NUP210: variants seen among roughly 807,000 people sequenced by gnomAD.
NUP210 encodes nuclear pore membrane glycoprotein 210.
A neutral mutation model predicts 196.0 loss-of-function variants in NUP210; 151 were observed. The ratio of observed to expected loss-of-function variants is 0.77; its 90% CI spans 0.67 to 0.88. The LOEUF is 0.88. NUP210 is among the 40% of genes least tolerant of loss of function. NUP210 has a pLI of 0.00. For missense variants in NUP210, 2,314 were observed against 2,493.7 expected, an observed-to-expected ratio of 0.93 and a Z score of 1.53; for synonymous variants, 1,070 against 1,052.7, an observed-to-expected ratio of 1.02 and a Z score of -0.32.
chr3:13,319,039 CTGCCTGGTTG>C (rs745974883), intron 39 of NUP210, 23 bp downstream of exon 39: 3 of 1,571,176 alleles, frequency 1.9e-6, no homozygotes, highest in Non-Finnish European at 2.6e-6. Flanking sequence ...CTCAGCAGCT[CTGCCTGGTTG>C]TGCCTGCAGG....
intron 4 of NUP210, among the ~76,000 whole-genome samples, chr3:13,390,961 T>A (rs1263083586): frequency 6.6e-6 from 1 of 152,204 alleles, no homozygotes; most frequent in East Asian, 1.9e-4. Context: ...TTTCTCCAGC[T>A]GGACATCCCA....
intron 11 of NUP210, among the ~76,000 whole-genome samples, chr3:13,374,906 C>T (rs994843631): frequency 1.3e-5 from 2 of 152,160 alleles, no homozygotes; most frequent in African/African-American, 2.4e-5. Flanking sequence ...GCACTGACCA[C>T]GAGGACTCGA....
chr3:13,367,661 A>G (rs1426839080), intron 13 of NUP210, among the ~76,000 whole-genome samples: 1 of 152,170 alleles, frequency 6.6e-6, no homozygotes, highest in African/African-American at 2.4e-5. Flanking sequence ...GTTCCCATAA[A>G]GGGAACCATG....
intron 13 of NUP210, among the ~76,000 whole-genome samples, chr3:13,370,954 C>T (rs1041045638): frequency 6.6e-6 from 1 of 152,246 alleles, no homozygotes. Context: ...TTCAACGGGT[C>T]CTCTGTTCCC....
chr3:13,379,755 GA>G lies in NUP210; in HGVS notation c.818-35del. ...CAAGAAACAAAAAATAACAGGGAAAGAGAGAGCAAAGACAGGAAATGTTAGA... is the reference window on the plus strand; with the variant it reads ...CAAGAAACAAAAAATAACAGGGAAAGGAGAGCAAAGACAGGAAATGTTAGA... On this transcript the variant is annotated intron_variant, in intron 6 of 39. Transcript: ENST00000254508. The surrounding 1 kb of genome is among the most constrained non-coding windows in gnomAD (Gnocchi z 4.2). 2 of 1,534,676 alleles carry G rather than the reference GA, an allele frequency of 1.3e-6. No individual in the cohort carries two copies. The highest frequency in any genetic ancestry group is 1.8e-6 in the Non-Finnish European group (2 of 1,140,642).
rs1432313741 is a variant in NUP210 at position 13,347,371 on chromosome 3, T to C, written c.2836-4068A>G. The C allele has an allele frequency of 3.1e-6, 3 of 972,708 alleles. No individual in the cohort carries two copies. The Admixed American group carries it at 1.8e-4, about 60-fold the overall frequency. 60.3% of individuals were successfully genotyped at this position (972,708 alleles called of 1,614,324 possible). Reference sequence around the variant, plus strand: ...TCTCATGGGTTCCGCCTAGAGGACTTGATTGAAATGTAAAGAATCGTTGAA... The same window carrying C: ...TCTCATGGGTTCCGCCTAGAGGACTCGATTGAAATGTAAAGAATCGTTGAA... On this transcript the variant is annotated intron_variant, in intron 20 of 39. Coordinates refer to ENST00000254508, the MANE Select transcript of NUP210 (RefSeq NM_024923.4). This position sits in a 1 kb window ranked among gnomAD's most constrained non-coding sequence, Gnocchi z 4.7.
chr3:13,392,298 C>T (rs926587432), intron 3 of NUP210, among the ~76,000 whole-genome samples: 1 of 152,242 alleles, frequency 6.6e-6, no homozygotes, highest in African/African-American at 2.4e-5. Context: ...TCTGCTCCTT[C>T]GCCTTACTTC....
intron 27 of NUP210, among the ~76,000 whole-genome samples, chr3:13,336,501 C>T (rs1254618915): frequency 6.6e-6 from 1 of 152,208 alleles, no homozygotes; most frequent in African/African-American, 2.4e-5. Context: ...GGCATCATCT[C>T]AGAAAATGGT....
intron 1 of NUP210, among the ~76,000 whole-genome samples, chr3:13,415,078 A>G (rs185964874): frequency 6.6e-6 from 1 of 152,352 alleles, no homozygotes; most frequent in Non-Finnish European, 1.5e-5. Context: ...TCTACTAAAA[A>G]TACAAAAATT....
chr3:13,340,005 T>G lies in NUP210; in HGVS notation c.3320A>C (p.Gln1107Pro). The G allele has an allele frequency of 2.5e-6, 4 of 1,613,990 alleles. No individual in the cohort carries two copies. Among genetic ancestry groups the G allele is most frequent in the Non-Finnish European group, 3.4e-6 (4 of 1,180,024 alleles). Residue 1107 changes from glutamine (Q) to proline (P), a missense_variant, in exon 25 of 40, where the codon CAG becomes CCG. Transcript: ENST00000254508. The surrounding 1 kb of genome is among the most constrained non-coding windows in gnomAD (Gnocchi z 4.0). ...GCTGATGGAGAAAAGGATGTTGGAC[T>G]GAGGCTGGGGGCCGCCCTCGGAGGT... ...QVTSEGGPQPQSNILFSISNE... is the reference protein window; with the variant it reads ...QVTSEGGPQPPSNILFSISNE...
Position 13,347,534 on chromosome 3 carries a change from G to A in NUP210, c.2836-4231C>T, listed in dbSNP as rs1257589512. On this transcript the variant is annotated intron_variant, in intron 20 of 39. Coordinates refer to ENST00000254508, the MANE Select transcript of NUP210 (RefSeq NM_024923.4). This position sits in a 1 kb window ranked among gnomAD's most constrained non-coding sequence, Gnocchi z 4.7. Reference sequence around the variant, plus strand: ...CGGCCCTGCACAGTCCATGTCCACTGTGTGGGGATAAAAACCCCCACAGGA... The same window carrying A: ...CGGCCCTGCACAGTCCATGTCCACTATGTGGGGATAAAAACCCCCACAGGA... Among the ~76,000 whole-genome samples, 1 of 152,156 alleles carries A rather than the reference G, an allele frequency of 6.6e-6. No homozygotes were observed. The highest frequency in any genetic ancestry group is 1.5e-5 in the Non-Finnish European group (1 of 68,032).
chr3:13,402,277 A>G (rs1699862329), intron 1 of NUP210, among the ~76,000 whole-genome samples: 1 of 152,176 alleles, frequency 6.6e-6, no homozygotes. Context: ...AAGAGAATTC[A>G]TCATTTCCCA....
chr3:13,336,914 G>T lies in NUP210; in HGVS notation c.3557C>A (p.Pro1186His), dbSNP rs779608251. 6.2e-7 allele frequency: 1 copy of T among 1,613,268 alleles called. No homozygotes were observed. The highest frequency in any genetic ancestry group is 8.5e-7 in the Non-Finnish European group (1 of 1,179,604). Residue 1186 changes from proline to histidine, a missense_variant, in exon 27 of 40, where the codon CCC becomes CAC. By Grantham distance (77) the Pro-to-His change is moderately conservative. Coordinates refer to ENST00000254508, the MANE Select transcript of NUP210 (RefSeq NM_024923.4). ...GTTGGTGATGCCGGTGACATAGATG[G>T]GCATCTGCAGGGGAGAAGTCAGGCC... ...IMRMRTGTQM[P>H]IYVTGITNHQ... is the part of the protein sequence containing the mutation.
intron 14 of NUP210, among the ~76,000 whole-genome samples, chr3:13,361,756 C>G (rs1486247774): frequency 6.6e-6 from 1 of 152,228 alleles, no homozygotes; most frequent in East Asian, 1.9e-4. Context: ...GTGCATTAAA[C>G]TATTCCACGC....
chr3:13,412,407 A>G (rs897050168), intron 1 of NUP210, among the ~76,000 whole-genome samples: 9 of 151,494 alleles, frequency 5.9e-5, no homozygotes, highest in Non-Finnish European at 5.9e-5. Context: ...TTCTTTACTA[A>G]AAAATTACTT....
In NUP210 at chr3:13,391,390, A is replaced by G. The variant is rs568620736; in HGVS notation, c.437-83T>C. On this transcript the variant is annotated intron_variant, in intron 3 of 39. Transcript: ENST00000254508. Reference sequence around the variant, plus strand: ...GAGGCGTGATGGGAGCTTCTGCCCCATGCAGGAACCACACTCCACATCACC... The same window carrying G: ...GAGGCGTGATGGGAGCTTCTGCCCCGTGCAGGAACCACACTCCACATCACC... 9 of 865,728 alleles carry G rather than the reference A, an allele frequency of 1.0e-5. No homozygotes were observed. In the Admixed American group the frequency reaches 1.4e-4, roughly 13 times the overall value. The allele number at this position is 865,728 out of a possible 1,614,324, so 53.6% of individuals were successfully genotyped here. A position where few individuals can be genotyped will look rare whatever the true frequency, so the allele number is the denominator to read the frequency against.
intron 1 of NUP210, among the ~76,000 whole-genome samples, chr3:13,415,576 G>A (rs1330340279): frequency 6.6e-6 from 1 of 152,216 alleles, no homozygotes; most frequent in Non-Finnish European, 1.5e-5. Context: ...GAAAAGAGCA[G>A]AAGTACAGGT....
At chr3:13,367,189 C>T (rs537305292) in intron 13 of NUP210, among the ~76,000 whole-genome samples, 45 of 152,136 alleles carry the variant, frequency 3.0e-4, no homozygotes, top group Non-Finnish European at 5.1e-4. Context: ...GCAATCCCAG[C>T]ACTTTGGGAG....
chr3:13,416,804 G>A (rs975700697), intron 1 of NUP210, among the ~76,000 whole-genome samples: 18 of 152,188 alleles, frequency 1.2e-4, no homozygotes, highest in African/African-American at 4.3e-4. Flanking sequence ...GGAGGTTCCC[G>A]AGGTGCCCAA....
Sources: gnomAD v4.1 joint callset for allele counts (sites outside exome capture counted in the v4.1 genomes callset) on GRCh38, gnomAD v4.1.1 for gene constraint, Gnocchi (gnomAD v3.1) non-coding constraint, MANE v1.5 for transcripts, NCBI Gene and HGNC (gene_info 2026-07-23, HGNC 2026-07-21) for gene names.